The following NEGR1 variants were observed in gnomAD, a reference collection of about 807,000 sequenced individuals.
NEGR1 encodes the protein neuronal growth regulator 1.
A neutral mutation model predicts 40.9 loss-of-function variants in NEGR1; 10 were observed. The observed-to-expected ratio is 0.24, with a 90% CI of 0.15 to 0.42. The LOEUF is 0.42. Ranked by LOEUF, NEGR1 falls within the 10% of genes least tolerant of loss-of-function variation. NEGR1 has a pLI of 1.00. For missense variants in NEGR1, 352 were observed against 438.9 expected (o/e 0.80, Z 1.77); for synonymous variants, 185 against 166.8 (o/e 1.11, Z -0.84).
chr1:72,129,884 T>C (rs1650177374), intron 1 of NEGR1, among the ~76,000 whole-genome samples: 1 of 152,210 alleles, frequency 6.6e-6, no homozygotes, highest in African/African-American at 2.4e-5. Flanking sequence ...CTTTTCACTA[T>C]CTGGACTGTT....
Position 72,217,083 on chromosome 1 carries a change from T to C in NEGR1, c.176+65236A>G, listed in dbSNP as rs1260232869. 2.6e-5 allele frequency among the ~76,000 whole-genome samples: 4 copies of C among 151,770 alleles called. No individual in the cohort carries two copies. In the Admixed American group the frequency reaches 2.6e-4, roughly 10 times the overall value. On this transcript the variant is annotated intron_variant, in intron 1 of 6. Transcript: ENST00000357731. ...TATTAGTATCCAGATTAAACAATAG[T>C]ATCCCCAATTTTAAAATCTTGAATT...
At chr1:71,543,741 A>C (rs531533709) in intron 6 of NEGR1, among the ~76,000 whole-genome samples, 1 of 151,824 alleles carries the variant, frequency 6.6e-6, no homozygotes, top group African/African-American at 2.4e-5. Context: ...AATATAAAAA[A>C]CTTTAATAGT....
intron 6 of NEGR1, among the ~76,000 whole-genome samples, chr1:71,535,892 G>A (rs79618025): frequency 0.014 from 2,198 of 151,712 alleles, 29 homozygotes; most frequent in South Asian, 0.029. Flanking sequence ...CCCTAGTGTC[G>A]TCATTTATCT....
chr1:71,729,837 T>A (rs1762723), intron 3 of NEGR1, among the ~76,000 whole-genome samples: 2,606 of 148,944 alleles, frequency 0.017, 65 homozygotes, highest in African/African-American at 0.062. Flanking sequence ...TGTTTTGTTT[T>A]TTGGTTTTTG....
chr1:71,996,111 C>A (rs552897179), intron 1 of NEGR1, among the ~76,000 whole-genome samples: 1 of 151,928 alleles, frequency 6.6e-6, no homozygotes, highest in South Asian at 2.1e-4. Flanking sequence ...TCTGTGTAGC[C>A]CCTTGTAGAT....
At chr1:71,618,617 A>G (rs1467206419) in intron 4 of NEGR1, among the ~76,000 whole-genome samples, 1 of 152,118 alleles carries the variant, frequency 6.6e-6, no homozygotes, top group Non-Finnish European at 1.5e-5. Flanking sequence ...GTGATTCTAC[A>G]TTATGGCGAG....
At chr1:71,691,908 A>T (rs1026308099) in intron 4 of NEGR1, among the ~76,000 whole-genome samples, 1 of 151,240 alleles carries the variant, frequency 6.6e-6, no homozygotes, top group Non-Finnish European at 1.5e-5. Context: ...TGTTGAATTC[A>T]ATTTAATCCT....
chr1:71,956,027 G>A lies in NEGR1; in HGVS notation c.177-20716C>T, dbSNP rs533496927. The stretch of plus-strand genomic sequence containing the variant: ...CAATTTCTTTTCATTTGTGTTTACC[G>A]GTAAACCAGGTATATTTTAAGTACA... On this transcript the variant is annotated intron_variant, in intron 1 of 6. Transcript: ENST00000357731. Among the ~76,000 whole-genome samples, 13 of 152,156 alleles carry A rather than the reference G, an allele frequency of 8.5e-5. No homozygotes were observed. In the South Asian group the frequency reaches 1.5e-3, roughly 17 times the overall value.
At chr1:71,712,784 C>T (rs1195469825) in intron 3 of NEGR1, among the ~76,000 whole-genome samples, 2 of 151,896 alleles carry the variant, frequency 1.3e-5, no homozygotes, top group Admixed American at 6.6e-5. Flanking sequence ...TCAGATTTAC[C>T]CTTTGCTGTT....
chr1:71,827,278 A>T (rs1658662759), intron 2 of NEGR1, among the ~76,000 whole-genome samples: 1 of 151,914 alleles, frequency 6.6e-6, no homozygotes, highest in Non-Finnish European at 1.5e-5. Flanking sequence ...CTACCAAGAG[A>T]TAGAAACAAT....
intron 1 of NEGR1, among the ~76,000 whole-genome samples, chr1:72,151,204 G>GT (rs1651112800): frequency 6.6e-6 from 1 of 151,410 alleles, no homozygotes; most frequent in Admixed American, 6.6e-5. Context: ...ATGCATAAAT[G>GT]TTTGCTTCTG....
intron 1 of NEGR1, among the ~76,000 whole-genome samples, chr1:72,085,968 C>CAAAAAAAAAAAA (rs36028456): frequency 7.9e-5 from 5 of 63,040 alleles, no homozygotes; most frequent in African/African-American, 2.8e-4. Flanking sequence ...GACTCTGTCT[C>CAAAAAAAAAAAA]AAAAAAAAAA....
At chr1:72,175,096 T>A (rs1652116829) in intron 1 of NEGR1, among the ~76,000 whole-genome samples, 1 of 152,098 alleles carries the variant, frequency 6.6e-6, no homozygotes, top group Non-Finnish European at 1.5e-5. Context: ...TAGCTGTATC[T>A]CCTAATGCTA....
intron 1 of NEGR1, among the ~76,000 whole-genome samples, chr1:71,943,988 C>T (rs140588239): frequency 1.3e-5 from 2 of 152,294 alleles, no homozygotes; most frequent in East Asian, 3.9e-4. Context: ...TTAAGGCTAG[C>T]TTTGTTCCAA....
At chr1:71,861,119 T>C (rs1659932896) in intron 2 of NEGR1, among the ~76,000 whole-genome samples, 1 of 152,060 alleles carries the variant, frequency 6.6e-6, no homozygotes, top group Non-Finnish European at 1.5e-5. Flanking sequence ...AGAATAGTGT[T>C]TCAGATCACA....
At chr1:71,859,762 C>T (rs948162929) in intron 2 of NEGR1, among the ~76,000 whole-genome samples, 1 of 152,030 alleles carries the variant, frequency 6.6e-6, no homozygotes, top group Non-Finnish European at 1.5e-5. Flanking sequence ...GGTTTTAGTT[C>T]ACTGTTTTAT....
chr1:72,105,807 C>A (rs1203639412), intron 1 of NEGR1, among the ~76,000 whole-genome samples: 1 of 151,876 alleles, frequency 6.6e-6, no homozygotes, highest in African/African-American at 2.4e-5. Flanking sequence ...AAGGGAAATA[C>A]TAAGCAAGTT....
chr1:72,039,176 A>T (rs1315631566), intron 1 of NEGR1, among the ~76,000 whole-genome samples: 2 of 152,008 alleles, frequency 1.3e-5, no homozygotes, highest in African/African-American at 4.8e-5. Context: ...ATTATAGTTC[A>T]ACGTGTATTA....
chr1:71,988,021 A>G (rs942378102), intron 1 of NEGR1, among the ~76,000 whole-genome samples: 2 of 152,198 alleles, frequency 1.3e-5, no homozygotes, highest in African/African-American at 4.8e-5. Flanking sequence ...CTTGTTCCCT[A>G]AGACCCCTCA....
Sources: allele counts gnomAD v4.1 joint callset (sites outside exome capture counted in the v4.1 genomes callset), GRCh38; gene constraint gnomAD v4.1.1; transcripts MANE v1.5; gene names NCBI Gene and HGNC (gene_info 2026-07-23, HGNC 2026-07-21).